Variants in SLC12A2 observed in about 807,000 individuals in gnomAD.
SLC12A2 encodes the protein solute carrier family 12 member 2.
Under a neutral mutation model 136.3 loss-of-function variants are expected in SLC12A2, and 67 were observed. The observed-to-expected ratio is 0.49, with a 90% confidence interval of 0.40 to 0.60. The LOEUF (loss-of-function observed/expected upper bound fraction) is 0.60, where lower values mean the gene tolerates loss of function less well. Among genes scored for constraint, SLC12A2 ranks in the 20% least tolerant of loss-of-function variants. SLC12A2 has a pLI of 0.00. For synonymous variants in SLC12A2, 619 were observed against 562.9 expected (o/e 1.10, Z -1.41); for missense variants, 1,322 against 1,534.7 (o/e 0.86, Z 2.32).
chr5:128,188,172 G>A lies in SLC12A2; in HGVS notation c.*1541G>A, dbSNP rs1763925876. 1.3e-5 allele frequency: 2 copies of A among 151,546 alleles called. No homozygotes were observed. The highest frequency in any genetic ancestry group is 4.9e-5 in the African/African-American group (2 of 41,226). 9.4% of individuals were successfully genotyped at this position (151,546 alleles called of 1,614,324 possible). A position where few individuals can be genotyped will look rare whatever the true frequency, so the allele number is the denominator to read the frequency against. ...AAGGTGATCATTTGAAGGGCATGCT[G>A]TAATTTCACACAATTTTCCAGTTCA... On this transcript the variant is annotated 3_prime_UTR_variant, in exon 27 of 27. Coordinates refer to ENST00000262461, the MANE Select transcript of SLC12A2 (RefSeq NM_001046.3).
chr5:128,102,596 C>CTCTTTT (rs1760783444), intron 1 of SLC12A2, among the ~76,000 whole-genome samples: 1 of 40,450 alleles, frequency 2.5e-5, no homozygotes, highest in Non-Finnish European at 4.9e-5. Flanking sequence ...CCCCCCCCGC[C>CTCTTTT]TTTTTTTTTT....
chr5:128,131,820 A>G (rs1469477054), intron 5 of SLC12A2, among the ~76,000 whole-genome samples: 1 of 152,160 alleles, frequency 6.6e-6, no homozygotes, highest in Admixed American at 6.5e-5. Context: ...ACCCTGACCA[A>G]CGTGGAGAAA....
intron 6 of SLC12A2, among the ~76,000 whole-genome samples, chr5:128,134,614 T>C (rs532198822): frequency 1.4e-4 from 21 of 152,112 alleles, no homozygotes; most frequent in Non-Finnish European, 2.8e-4. Context: ...AAAGTTCAAC[T>C]TAGACATGGG....
rs1322820594 is a variant in SLC12A2, at chr5:128,083,824, C to T, written c.-131C>T. The T allele has an allele frequency of 1.4e-6, 1 of 697,148 alleles. No individual in the cohort carries two copies. Among genetic ancestry groups the T allele is most frequent in the Non-Finnish European group, 2.0e-6 (1 of 506,458 alleles). The allele number at this position is 697,148 out of a possible 1,614,324, so 43.2% of individuals were successfully genotyped here. A position where few individuals can be genotyped will look rare whatever the true frequency, so the allele number is the denominator to read the frequency against. On this transcript the variant is annotated 5_prime_UTR_variant, in exon 1 of 27. Coordinates refer to ENST00000262461, the MANE Select transcript of SLC12A2 (RefSeq NM_001046.3). ...CTGTGGCCGTCCAGGCTAGCGGCGG[C>T]CCGCAGGCGGCGGGGAGAAAGACTC... is the stretch of plus-strand genomic sequence containing the variant.
At position 128,084,807 on chromosome 5, in the gene SLC12A2, A is replaced by G. The variant is rs1010224651; in HGVS notation, c.756+97A>G. On this transcript the variant is annotated intron_variant, in intron 1 of 26. Transcript: ENST00000262461. This position sits in a 1 kb window ranked among gnomAD's most constrained non-coding sequence, Gnocchi z 5.6. The stretch of plus-strand genomic sequence containing the variant: ...CTTCCCGAGTTGAGGTGGCGGGAGT[A>G]GTAGACGTGCACGACTTGCTGGCAT... 1 of 1,323,158 alleles carries G rather than the reference A, an allele frequency of 7.6e-7. No individual in the cohort carries two copies. Among genetic ancestry groups the G allele is most frequent in the Non-Finnish European group, 1.0e-6 (1 of 988,932 alleles). The allele number at this position is 1,323,158 out of a possible 1,614,324, so 82.0% of individuals were successfully genotyped here.
chr5:128,123,933 A>G (rs929925792), intron 4 of SLC12A2, among the ~76,000 whole-genome samples: 11 of 152,182 alleles, frequency 7.2e-5, no homozygotes, highest in African/African-American at 2.4e-4. Context: ...TCAGCTAGAT[A>G]TATTACCATT....
Position 128,141,879 on chromosome 5 carries a change from A to G in SLC12A2, c.1671A>G (p.Val557=). The G allele has an allele frequency of 6.2e-7, 1 of 1,614,008 alleles. No homozygotes were observed. Among genetic ancestry groups the G allele is most frequent in the Non-Finnish European group, 8.5e-7 (1 of 1,179,912 alleles). ...CTGGAAACGTTAATGACACTATCGTAACAGAGCTAACAAACTGTACTTCTG... is the reference window on the plus strand; with the variant it reads ...CTGGAAACGTTAATGACACTATCGTGACAGAGCTAACAAACTGTACTTCTG... ...DATGNVNDTI[V]TELTNCTSAA... is the part of the protein sequence containing the mutation. Residue 557 remains valine, a synonymous_variant, in exon 10 of 27, where the codon GTA becomes GTG. Coordinates refer to ENST00000262461, the MANE Select transcript of SLC12A2 (RefSeq NM_001046.3).
intron 4 of SLC12A2, 49 bp downstream of exon 4, chr5:128,114,730 C>A: frequency 1.8e-6 from 2 of 1,100,078 alleles, no homozygotes; most frequent in Non-Finnish European, 2.8e-6. Flanking sequence ...TCTTACTAAA[C>A]AGAGGTCTAA....
intron 1 of SLC12A2, among the ~76,000 whole-genome samples, chr5:128,089,635 T>A (rs564147360): frequency 2.7e-4 from 41 of 152,330 alleles, no homozygotes; most frequent in African/African-American, 9.6e-4. Flanking sequence ...GATGTGATGA[T>A]GTAAATATTA....
At chr5:128,150,121 G>A in intron 13 of SLC12A2, 23 bp downstream of exon 13, 1 of 1,395,400 alleles carries the variant, frequency 7.2e-7, no homozygotes, top group Non-Finnish European at 1.0e-6. Flanking sequence ...TTTTAAAAAA[G>A]TTTGTAAATA....
chr5:128,106,535 C>G (rs1325693119), intron 1 of SLC12A2, among the ~76,000 whole-genome samples: 1 of 152,034 alleles, frequency 6.6e-6, no homozygotes, highest in Non-Finnish European at 1.5e-5. Context: ...AATTGAACTA[C>G]AAATAAAAAG....
chr5:128,121,697 A>T (rs1168253873), intron 4 of SLC12A2, among the ~76,000 whole-genome samples: 2 of 152,156 alleles, frequency 1.3e-5, no homozygotes, highest in African/African-American at 4.8e-5. Flanking sequence ...TCCACATAAG[A>T]ATAGCAGTGC....
intron 1 of SLC12A2, among the ~76,000 whole-genome samples, chr5:128,091,025 A>T (rs907983293): frequency 1.3e-5 from 2 of 152,180 alleles, no homozygotes; most frequent in Non-Finnish European, 2.9e-5. Flanking sequence ...TGTGTAGAGA[A>T]TATACTGTAA....
At chr5:128,154,098 T>C (rs1406563507) in intron 15 of SLC12A2, among the ~76,000 whole-genome samples, 1 of 151,402 alleles carries the variant, frequency 6.6e-6, no homozygotes, top group African/African-American at 2.4e-5. Flanking sequence ...CTTTGGCTCA[T>C]TGTAGTAAAG....
chr5:128,134,241 G>GT lies in SLC12A2; in HGVS notation c.1266dup (p.Ile423TyrfsTer26). The GT allele has an allele frequency of 6.2e-7, 1 of 1,603,266 alleles. No individual in the cohort carries two copies. On this transcript the variant is annotated frameshift_variant, in exon 6 of 27. Coordinates refer to ENST00000262461, the MANE Select transcript of SLC12A2 (RefSeq NM_001046.3). LOFTEE classifies it high-confidence loss of function. ...GCCATTACAGTCGTGATTCTTTTAG[G>GT]TATCTCAGTAGCTGGAATGGAGTGG...
intron 1 of SLC12A2, among the ~76,000 whole-genome samples, chr5:128,101,802 T>C (rs1354482744): frequency 6.6e-6 from 1 of 152,204 alleles, no homozygotes; most frequent in Non-Finnish European, 1.5e-5. Flanking sequence ...GTGAAACATT[T>C]CTAGTACTGT....
chr5:128,184,934 A>G (rs1185016955), intron 26 of SLC12A2, 78 bp downstream of exon 26: 1 of 1,255,962 alleles, frequency 8.0e-7, no homozygotes, highest in Non-Finnish European at 1.2e-6. Context: ...CCAAGTACAT[A>G]TCTATATAAC....
intron 1 of SLC12A2, chr5:128,110,887 C>T: frequency 8.3e-7 from 1 of 1,204,154 alleles, no homozygotes; most frequent in Non-Finnish European, 1.2e-6. Context: ...TGCCAATTTA[C>T]AAGTGAGTGG....
chr5:128,165,264 C>T lies in SLC12A2; in HGVS notation c.2617-2497C>T, dbSNP rs567021244. Among the ~76,000 whole-genome samples the T allele has an allele frequency of 2.6e-5, 4 of 152,262 alleles. No individual in the cohort carries two copies. In the South Asian group the frequency reaches 8.3e-4, roughly 32 times the overall value. ...GTTTTGTATATTTGTATTTCCTTTT[C>T]CCTTTAAATTTTTTGTAAGGCAATA... On this transcript the variant is annotated intron_variant, in intron 17 of 26. Transcript: ENST00000262461.
Sources: gnomAD v4.1 joint callset for allele counts (sites outside exome capture counted in the v4.1 genomes callset) on GRCh38, gnomAD v4.1.1 for gene constraint, Gnocchi (gnomAD v3.1) non-coding constraint, MANE v1.5 for transcripts, NCBI Gene and HGNC (gene_info 2026-07-23, HGNC 2026-07-21) for gene names.